ATP2C1: variants seen among roughly 807,000 people sequenced by gnomAD.
The protein encoded by ATP2C1 is calcium-transporting ATPase type 2C member 1.
A neutral mutation model predicts 120.5 loss-of-function variants in ATP2C1; 31 were observed. The observed-to-expected ratio is 0.26, with a 90% CI of 0.19 to 0.35. The LOEUF is 0.35. Ranked by LOEUF, ATP2C1 falls within the 10% of genes least tolerant of loss-of-function variation. The probability of loss-of-function intolerance (pLI) is 1.00; values close to 1 mark genes in which losing one functional copy is unlikely to be tolerated. For synonymous variants in ATP2C1, 351 were observed against 358.7 expected (o/e 0.98, Z 0.24); for missense variants, 731 against 1,107.5 (o/e 0.66, Z 4.83).
chr3:130,981,041 AT>A (rs893151095), intron 20 of ATP2C1, among the ~76,000 whole-genome samples: 4 of 151,890 alleles, frequency 2.6e-5, no homozygotes, highest in East Asian at 3.8e-4. Flanking sequence ...TGAGTATGTG[AT>A]TTTTTTTAGG....
chr3:130,939,392 A>T (rs2059801091), intron 6 of ATP2C1, among the ~76,000 whole-genome samples: 4 of 152,300 alleles, frequency 2.6e-5, no homozygotes, highest in Middle Eastern at 6.8e-3. Flanking sequence ...AGCCATAAAA[A>T]TAGCTAATTG....
intron 11 of ATP2C1, among the ~76,000 whole-genome samples, chr3:130,958,929 CT>C (rs1468951930): frequency 1.3e-5 from 2 of 152,030 alleles, no homozygotes; most frequent in African/African-American, 4.8e-5. Context: ...CTGCCACCTT[CT>C]TTTTTTCATT....
At chr3:130,889,044 C>T (rs773089538) in intron 1 of ATP2C1, among the ~76,000 whole-genome samples, 2 of 152,100 alleles carry the variant, frequency 1.3e-5, no homozygotes, top group East Asian at 1.9e-4. Flanking sequence ...ATTCCAGTTC[C>T]GGGTTGTAGG....
At chr3:130,885,440 C>T (rs1244570235) in intron 1 of ATP2C1, among the ~76,000 whole-genome samples, 8 of 151,948 alleles carry the variant, frequency 5.3e-5, no homozygotes, top group Admixed American at 3.9e-4. Flanking sequence ...CTGTCTTCCT[C>T]TTAGTGAAGG....
chr3:130,864,728 C>G (rs1638815879), intron 1 of ATP2C1, among the ~76,000 whole-genome samples: 1 of 152,222 alleles, frequency 6.6e-6, no homozygotes, highest in African/African-American at 2.4e-5. Flanking sequence ...GAAGCCTTGG[C>G]AGCTTCCACG....
intron 13 of ATP2C1, 100 bp downstream of exon 13, chr3:130,964,195 T>C (rs1199617383): frequency 1.3e-6 from 2 of 1,545,798 alleles, no homozygotes; most frequent in African/African-American, 2.7e-5. Context: ...GAGATTTGCA[T>C]AATGATGTTT....
intron 26 of ATP2C1, chr3:131,016,134 T>G: frequency 2.5e-6 from 4 of 1,613,518 alleles, no homozygotes; most frequent in Non-Finnish European, 3.4e-6. Context: ...AAGTTTCCCA[T>G]GGTGCTTACC....
chr3:130,946,975 T>C (rs940884132), intron 8 of ATP2C1, among the ~76,000 whole-genome samples: 3 of 152,220 alleles, frequency 2.0e-5, no homozygotes, highest in Non-Finnish European at 4.4e-5. Context: ...GCCCTCTCCA[T>C]TGGCAGACAC....
chr3:130,940,842 G>T, intron 7 of ATP2C1, 151 bp downstream of exon 7: 5 of 572,834 alleles, frequency 8.7e-6, no homozygotes, highest in Non-Finnish European at 1.6e-5. Flanking sequence ...CATTAATGTA[G>T]CAAAACTGTA....
At chr3:130,975,551 G>A in intron 18 of ATP2C1, 63 bp downstream of exon 18, 1 of 1,535,588 alleles carries the variant, frequency 6.5e-7, no homozygotes, top group Non-Finnish European at 8.9e-7. Context: ...AATTGCAGAT[G>A]AATTCATGCT....
At chr3:130,993,127 T>C (rs2062432614) in intron 21 of ATP2C1, 126 bp downstream of exon 21, 1 of 775,894 alleles carries the variant, frequency 1.3e-6, no homozygotes, top group Non-Finnish European at 2.1e-6. Flanking sequence ...AAACAGTTTT[T>C]TTTTTTTGTA....
intron 2 of ATP2C1, chr3:130,918,269 G>A (rs2058776005): frequency 5.2e-6 from 8 of 1,540,484 alleles, no homozygotes; most frequent in Admixed American, 1.7e-5. Context: ...AAATCCCTTG[G>A]GCCCAAAGTT....
At position 130,942,529 on chromosome 3, in the gene ATP2C1, T is replaced by C. The variant is rs961939940; in HGVS notation, c.531+830T>C. On this transcript the variant is annotated intron_variant, in intron 8 of 27. Transcript: ENST00000510168. ...CAGAGCAGTCAGTCTTTAAATACTATGGCCAAAAGTATGAGTGTTCTCATA... is the reference window on the plus strand; with the variant it reads ...CAGAGCAGTCAGTCTTTAAATACTACGGCCAAAAGTATGAGTGTTCTCATA... Among the ~76,000 whole-genome samples the C allele has an allele frequency of 9.8e-5, 15 of 152,334 alleles. No homozygotes were observed. In the Middle Eastern group the frequency reaches 0.01, roughly 104 times the overall value.
intron 1 of ATP2C1, among the ~76,000 whole-genome samples, chr3:130,881,622 C>T (rs756735174): frequency 3.3e-5 from 5 of 152,210 alleles, no homozygotes; most frequent in Non-Finnish European, 7.3e-5. Flanking sequence ...GTAGAGATTG[C>T]ATTCAATCAG....
At chr3:130,856,479 GA>G (rs557497535) in intron 1 of ATP2C1, among the ~76,000 whole-genome samples, 49 of 152,284 alleles carry the variant, frequency 3.2e-4, no homozygotes, top group African/African-American at 1.1e-3. Context: ...CTTGATTTAA[GA>G]AATGTTTTTA....
At chr3:130,920,881 C>G (rs1174818571) in intron 2 of ATP2C1, among the ~76,000 whole-genome samples, 1 of 151,980 alleles carries the variant, frequency 6.6e-6, no homozygotes, top group African/African-American at 2.4e-5. Context: ...ATAAACAAAC[C>G]TGTCACCTCA....
At chr3:130,904,995 A>G (rs1327660397) in intron 2 of ATP2C1, among the ~76,000 whole-genome samples, 1 of 152,024 alleles carries the variant, frequency 6.6e-6, no homozygotes, top group African/African-American at 2.4e-5. Flanking sequence ...CTTTTCTACA[A>G]TACCCTCTCT....
At chr3:130,966,309 T>C (rs1222454659) in intron 14 of ATP2C1, among the ~76,000 whole-genome samples, 1 of 152,202 alleles carries the variant, frequency 6.6e-6, no homozygotes, top group Non-Finnish European at 1.5e-5. Flanking sequence ...GCTTATATGA[T>C]CCAGGTATGG....
intron 17 of ATP2C1, 46 bp from the exon 18 acceptor site, chr3:130,975,286 A>G (rs1057447074): frequency 6.3e-7 from 1 of 1,597,136 alleles, no homozygotes; most frequent in Admixed American, 1.7e-5. Context: ...ATGGCAGGTA[A>G]GTACAAGTTG....
Sources: allele counts gnomAD v4.1 joint callset (sites outside exome capture counted in the v4.1 genomes callset), GRCh38; gene constraint gnomAD v4.1.1; transcripts MANE v1.5; gene names NCBI Gene and HGNC (gene_info 2026-07-23, HGNC 2026-07-21).